Variants in SLC38A8 observed in about 807,000 individuals in gnomAD.
The protein encoded by SLC38A8 is solute carrier family 38 member 8.
Under a neutral mutation model 46.0 loss-of-function variants are expected in SLC38A8, and 65 were observed. The ratio of observed to expected loss-of-function variants is 1.41; its 90% CI spans 1.16 to 1.74. The LOEUF (loss-of-function observed/expected upper bound fraction) is 1.74, where lower values mean the gene tolerates loss of function less well. SLC38A8 is among the 40% of genes most tolerant of loss of function. The probability of loss-of-function intolerance (pLI) is 0.00; values close to 1 mark genes in which losing one functional copy is unlikely to be tolerated. For synonymous variants in SLC38A8, 447 were observed against 243.7 expected (o/e 1.83, Z -7.77); for missense variants, 998 against 567.9 (o/e 1.76, Z -7.70).
Position 84,022,868 on chromosome 16 carries a change from T to C in SLC38A8, c.712A>G (p.Ile238Val), listed in dbSNP as rs896898338. 4 of 1,606,778 alleles carry C rather than the reference T, an allele frequency of 2.5e-6. No individual in the cohort carries two copies. The highest frequency in any genetic ancestry group is 2.2e-5 in the East Asian group (1 of 44,496). ...GFQCHEAAVS[I>V]YCSMRKRSLS... ...CTCCGTTTGCGCATGCTGCAGTAGA[T>C]GGAGACGGCAGCTTCGTGACACTGT... is the stretch of plus-strand genomic sequence containing the variant. Residue 238 changes from isoleucine (I) to valine (V), a missense_variant, in exon 7 of 11, where the codon ATC becomes GTC. By Grantham distance (29) the Ile-to-Val change is conservative. Coordinates refer to ENST00000299709, the MANE Select transcript of SLC38A8 (RefSeq NM_001080442.3).
chr16:84,036,588 C>G, intron 3 of SLC38A8, 114 bp downstream of exon 3: 2 of 1,214,188 alleles, frequency 1.6e-6, no homozygotes, highest in Non-Finnish European at 2.3e-6. Flanking sequence ...GTTTCAGCCT[C>G]TGCTGTCCCT....
chr16:84,026,771 C>T (rs1022960602), intron 6 of SLC38A8, among the ~76,000 whole-genome samples: 6 of 152,134 alleles, frequency 3.9e-5, no homozygotes, highest in Non-Finnish European at 8.8e-5. Context: ...ACCAACACGG[C>T]GGGGGAGGGA....
At chr16:84,013,424 GTTT>G (rs1221293803) in intron 9 of SLC38A8, among the ~76,000 whole-genome samples, 2 of 64,048 alleles carry the variant, frequency 3.1e-5, no homozygotes, top group African/African-American at 7.9e-5. Flanking sequence ...TTGTGTGTGT[GTTT>G]TTTTTTTTTT....
At chr16:84,035,148 TC>T (rs1410260669) in intron 3 of SLC38A8, among the ~76,000 whole-genome samples, 2 of 152,172 alleles carry the variant, frequency 1.3e-5, no homozygotes, top group African/African-American at 4.8e-5. Context: ...GGGGCTCCGC[TC>T]CCAGTGAGGC....
rs1176723824 is a variant in SLC38A8, at chr16:84,017,142, C to G, written c.951G>C (p.Gly317=). 1.2e-6 allele frequency: 2 copies of G among 1,613,912 alleles called. No homozygotes were observed. Among genetic ancestry groups the G allele is most frequent in the African/African-American group, 2.7e-5 (2 of 74,910 alleles). Residue 317 remains glycine (G), a splice_region_variant and synonymous_variant, in exon 8 of 11, where the codon GGG becomes GGC. Coordinates refer to ENST00000299709, the MANE Select transcript of SLC38A8 (RefSeq NM_001080442.3). ...VTVYPIVLFL[G]RSVMQDFWRR... ...CCCCCCACTGAGCCAGGCCTCACCT[C>G]CCCAGGAAGAGCACGATGGGGTAGA...
chr16:84,025,873 G>A (rs1306996302), intron 6 of SLC38A8, among the ~76,000 whole-genome samples: 3 of 152,228 alleles, frequency 2.0e-5, no homozygotes, highest in Non-Finnish European at 4.4e-5. Context: ...CTGGCCCCAG[G>A]TTTCCTGTCC....
At chr16:84,010,514 G>A (rs2084940840) in intron 10 of SLC38A8, among the ~76,000 whole-genome samples, 1 of 151,878 alleles carries the variant, frequency 6.6e-6, no homozygotes, top group Non-Finnish European at 1.5e-5. Context: ...GCTGAGGCAG[G>A]CGGATTCACC....
At chr16:84,040,251 G>C (rs927662720) in intron 2 of SLC38A8, among the ~76,000 whole-genome samples, 3 of 152,154 alleles carry the variant, frequency 2.0e-5, no homozygotes, top group African/African-American at 7.2e-5. Flanking sequence ...GAACAACTTG[G>C]GGTGGCGGGA....
intron 3 of SLC38A8, 134 bp downstream of exon 3, chr16:84,036,568 C>G (rs1319015562): frequency 2.0e-6 from 2 of 995,260 alleles, no homozygotes; most frequent in Non-Finnish European, 3.0e-6. Flanking sequence ...ATGTTAGGAA[C>G]AAGAGTGTGG....
Position 84,023,660 on chromosome 16 carries a change from G to A in SLC38A8, c.691-771C>T, listed in dbSNP as rs796837932. On this transcript the variant is annotated intron_variant, in intron 6 of 10. Coordinates refer to ENST00000299709, the MANE Select transcript of SLC38A8 (RefSeq NM_001080442.3). ...TGTCACCCCAGCACTTTGGGAGGCC[G>A]AAGGGGGCAGATCACTTGAGGTCAG... 5.3e-4 allele frequency among the ~76,000 whole-genome samples: 81 copies of A among 152,278 alleles called. 2 individuals are homozygous for A. The highest frequency in any genetic ancestry group is 1.3e-3 in the African/African-American group (54 of 41,570).
intron 2 of SLC38A8, among the ~76,000 whole-genome samples, chr16:84,040,322 G>T (rs754410229): frequency 6.6e-6 from 1 of 152,184 alleles, no homozygotes; most frequent in Non-Finnish European, 1.5e-5. Context: ...ATTCACCTCA[G>T]GGTTCCCTTC....
intron 2 of SLC38A8, among the ~76,000 whole-genome samples, chr16:84,038,616 G>A (rs1034737588): frequency 3.3e-5 from 5 of 152,196 alleles, no homozygotes; most frequent in African/African-American, 1.2e-4. Context: ...AATGCTCAAA[G>A]TCTTAAGTGT....
chr16:84,041,586 T>C (rs893921607), intron 2 of SLC38A8, among the ~76,000 whole-genome samples: 27 of 152,174 alleles, frequency 1.8e-4, no homozygotes, highest in African/African-American at 6.5e-4. Flanking sequence ...GGGCTGCGAT[T>C]ATAGGCACGA....
At chr16:84,012,742 G>A (rs1178762190) in intron 10 of SLC38A8, among the ~76,000 whole-genome samples, 4 of 152,286 alleles carry the variant, frequency 2.6e-5, no homozygotes, top group African/African-American at 9.6e-5. Context: ...TCCAGAGGCT[G>A]GAATCTACAT....
intron 7 of SLC38A8, among the ~76,000 whole-genome samples, chr16:84,019,020 T>C (rs1033688609): frequency 6.6e-6 from 1 of 152,138 alleles, no homozygotes; most frequent in Non-Finnish European, 1.5e-5. Context: ...TTTTTATGGC[T>C]TGATGCCTGC....
At chr16:84,024,898 C>T (rs2085143678) in intron 6 of SLC38A8, among the ~76,000 whole-genome samples, 1 of 152,134 alleles carries the variant, frequency 6.6e-6, no homozygotes, top group Non-Finnish European at 1.5e-5. Context: ...CCAGGCTGGT[C>T]TCATACTCCT....
At chr16:84,033,601 C>G (rs1002689103) in intron 3 of SLC38A8, 132 bp from the exon 4 acceptor site, 5 of 1,038,802 alleles carry the variant, frequency 4.8e-6, no homozygotes, top group Non-Finnish European at 6.9e-6. Flanking sequence ...AGGGATCAGA[C>G]GACAAGTGAG....
At chr16:84,025,884 T>C (rs1008291485) in intron 6 of SLC38A8, among the ~76,000 whole-genome samples, 4 of 152,214 alleles carry the variant, frequency 2.6e-5, no homozygotes, top group African/African-American at 7.2e-5. Flanking sequence ...TTTCCTGTCC[T>C]ACAGGAGGGC....
At chr16:84,035,479 C>G (rs9931295) in intron 3 of SLC38A8, among the ~76,000 whole-genome samples, 59,129 of 152,060 alleles carry the variant, frequency 0.39, 11,967 homozygotes, top group East Asian at 0.59. Context: ...ACATTCCAAT[C>G]GGAAGTCTGA....
Sources: gnomAD v4.1 joint callset for allele counts (sites outside exome capture counted in the v4.1 genomes callset) on GRCh38, gnomAD v4.1.1 for gene constraint, MANE v1.5 for transcripts, NCBI Gene and HGNC (gene_info 2026-07-23, HGNC 2026-07-21) for gene names.